CENPW: variants seen among roughly 807,000 people sequenced by gnomAD.
The protein encoded by CENPW is centromere protein W.
In CENPW, 3 loss-of-function variants were observed where a neutral mutation model predicts 11.1. The observed-to-expected ratio is 0.27, with a 90% CI of 0.12 to 0.70. The LOEUF is 0.70. Ranked by LOEUF, CENPW falls within the 30% of genes least tolerant of loss-of-function variation. CENPW has a pLI of 0.77. For missense variants in CENPW, 100 were observed against 105.6 expected, an observed-to-expected ratio of 0.95 and a Z score of 0.23; for synonymous variants, 38 against 42.0, an observed-to-expected ratio of 0.91 and a Z score of 0.37.
chr6:126,391,946 C>G, the CENPW span, among the ~76,000 whole-genome samples: 1 of 151,838 alleles, frequency 6.6e-6, no homozygotes, highest in Non-Finnish European at 1.5e-5. Flanking sequence ...ATAGCTTTGA[C>G]TATTCTAGGT....
At chr6:126,434,710 C>G in the CENPW span, among the ~76,000 whole-genome samples, 42 of 151,990 alleles carry the variant, frequency 2.8e-4, no homozygotes, top group African/African-American at 9.9e-4. Context: ...TAAAACATTG[C>G]TATTAACTTG....
chr6:126,372,829 C>A, the CENPW span, among the ~76,000 whole-genome samples: 1 of 152,146 alleles, frequency 6.6e-6, no homozygotes, highest in Non-Finnish European at 1.5e-5. Flanking sequence ...GAAATGCAAT[C>A]ATTTCATTGC....
chr6:126,469,779 A>G, the CENPW span, among the ~76,000 whole-genome samples: 1 of 152,298 alleles, frequency 6.6e-6, no homozygotes, highest in East Asian at 1.9e-4. Flanking sequence ...AGCAAAGAGA[A>G]TGGCAGCATT....
chr6:126,417,456 A>AG, the CENPW span, among the ~76,000 whole-genome samples: 19 of 152,192 alleles, frequency 1.2e-4, no homozygotes, highest in East Asian at 1.9e-3. Context: ...GGGAGGGGCC[A>AG]GGGGAAGAAT....
At chr6:126,391,770 G>A in the CENPW span, among the ~76,000 whole-genome samples, 3 of 151,748 alleles carry the variant, frequency 2.0e-5, no homozygotes, top group African/African-American at 7.3e-5. Flanking sequence ...TGTAAAAAAT[G>A]AGTTCACTGT....
the CENPW span, among the ~76,000 whole-genome samples, chr6:126,354,118 A>C: frequency 6.6e-6 from 1 of 151,964 alleles, no homozygotes; most frequent in African/African-American, 2.4e-5. Flanking sequence ...ATTACTAATA[A>C]ATTTTTTATC....
chr6:126,373,275 T>C, the CENPW span, among the ~76,000 whole-genome samples: 1 of 152,318 alleles, frequency 6.6e-6, no homozygotes, highest in South Asian at 2.1e-4. Flanking sequence ...CACACTATGC[T>C]TGAGAATGAG....
the CENPW span, among the ~76,000 whole-genome samples, chr6:126,426,730 G>A: frequency 6.6e-6 from 1 of 152,022 alleles, no homozygotes; most frequent in Non-Finnish European, 1.5e-5. Flanking sequence ...AATAGAAATG[G>A]GTAATAGACT....
chr6:126,461,041 G>T, the CENPW span, among the ~76,000 whole-genome samples: 2 of 151,808 alleles, frequency 1.3e-5, no homozygotes, highest in Non-Finnish European at 2.9e-5. Flanking sequence ...TTATACATTG[G>T]GGGAGGGTGT....
At chr6:126,381,387 G>A in the CENPW span, among the ~76,000 whole-genome samples, 6 of 152,014 alleles carry the variant, frequency 3.9e-5, no homozygotes, top group Admixed American at 2.6e-4. Context: ...TATCCCAAAT[G>A]CATGCATATA....
the CENPW span, among the ~76,000 whole-genome samples, chr6:126,418,714 T>C: frequency 6.6e-6 from 1 of 152,050 alleles, no homozygotes; most frequent in East Asian, 1.9e-4. Context: ...AAAATAATCA[T>C]ATCAACTCTG....
At chr6:126,479,501 A>G in the CENPW span, among the ~76,000 whole-genome samples, 2 of 152,086 alleles carry the variant, frequency 1.3e-5, no homozygotes, top group Non-Finnish European at 2.9e-5. Context: ...TGAGGGACAC[A>G]TTCTGGATTT....
the CENPW span, among the ~76,000 whole-genome samples, chr6:126,378,234 A>T: frequency 6.6e-6 from 1 of 152,158 alleles, no homozygotes; most frequent in African/African-American, 2.4e-5. Context: ...GCATTTGTCA[A>T]CTGGCTACCA....
chr6:126,464,476 G>A, the CENPW span, among the ~76,000 whole-genome samples: 2 of 152,100 alleles, frequency 1.3e-5, no homozygotes, highest in African/African-American at 4.8e-5. Context: ...ATCTGGGTGG[G>A]TATCATCTAA....
At chr6:126,400,135 T>A in the CENPW span, among the ~76,000 whole-genome samples, 1 of 152,086 alleles carries the variant, frequency 6.6e-6, no homozygotes, top group Non-Finnish European at 1.5e-5. Flanking sequence ...AGGCAAATGC[T>A]TGCTTATACA....
At chr6:126,472,071 C>G in the CENPW span, among the ~76,000 whole-genome samples, 2 of 152,014 alleles carry the variant, frequency 1.3e-5, no homozygotes, top group Non-Finnish European at 2.9e-5. Flanking sequence ...ACCTGTGAAC[C>G]TATCATAAAG....
the CENPW span, among the ~76,000 whole-genome samples, chr6:126,419,077 TATA>T: frequency 3.3e-5 from 5 of 151,908 alleles, no homozygotes; most frequent in African/African-American, 1.2e-4. Flanking sequence ...ACTTAAAAAG[TATA>T]ATAAAATATA....
the CENPW span, among the ~76,000 whole-genome samples, chr6:126,366,097 T>C: frequency 9.3e-4 from 141 of 152,212 alleles, 4 homozygotes; most frequent in East Asian, 0.026. Flanking sequence ...ACTATGAAAA[T>C]AAAGTTGGGA....
chr6:126,378,698 G>A, the CENPW span, among the ~76,000 whole-genome samples: 1 of 152,154 alleles, frequency 6.6e-6, no homozygotes, highest in East Asian at 1.9e-4. Flanking sequence ...GTCCAGAACA[G>A]GAGGATGAAA....
Sources: allele counts gnomAD v4.1 joint callset (sites outside exome capture counted in the v4.1 genomes callset), GRCh38; gene constraint gnomAD v4.1.1; transcripts MANE v1.5; gene names NCBI Gene and HGNC (gene_info 2026-07-23, HGNC 2026-07-21).